PDE10A: variants seen among roughly 807,000 people sequenced by gnomAD.
PDE10A encodes the protein phosphodiesterase 10A.
PDE10A carries 39 observed loss-of-function variants against 97.7 expected under a neutral mutation model. That is an observed-to-expected ratio of 0.40 (90% CI 0.31 to 0.52). The LOEUF (loss-of-function observed/expected upper bound fraction) is 0.52. Ranked by LOEUF, PDE10A falls within the 20% of genes least tolerant of loss-of-function variation. PDE10A has a pLI of 0.56. For missense variants in PDE10A, 731 were observed against 1,047.8 expected (o/e 0.70, Z 4.17); for synonymous variants, 371 against 376.8 (o/e 0.98, Z 0.18).
At chr6:165,339,794 A>G (rs1352992323) in intron 19 of PDE10A, among the ~76,000 whole-genome samples, 1 of 152,248 alleles carries the variant, frequency 6.6e-6, no homozygotes. Context: ...CCAGTCGACT[A>G]AAATGTGCTA....
At chr6:165,621,117 C>T (rs1376517835) in intron 1 of PDE10A, among the ~76,000 whole-genome samples, 1 of 151,512 alleles carries the variant, frequency 6.6e-6, no homozygotes, top group African/African-American at 2.4e-5. Flanking sequence ...ATGTATTGTC[C>T]TGAGTATTTG....
intron 1 of PDE10A, among the ~76,000 whole-genome samples, chr6:165,866,397 T>C (rs537557504): frequency 1.9e-4 from 21 of 113,216 alleles, no homozygotes; most frequent in African/African-American, 6.0e-4. Flanking sequence ...ACTGCACTTC[T>C]GGCTTTTCAG....
intron 1 of PDE10A, among the ~76,000 whole-genome samples, chr6:165,620,058 A>G (rs1788050523): frequency 6.6e-6 from 1 of 151,828 alleles, no homozygotes; most frequent in Admixed American, 6.6e-5. Context: ...AGAAGCTGAG[A>G]CCACATTTCT....
chr6:165,725,314 T>C lies in PDE10A; in HGVS notation c.-614-181746A>G, dbSNP rs550530810. ...TTGAGCTATCACAAGCCACTGCAGA[T>C]GGCAAAACAAAAAGAGCGCCCTGTA... On this transcript the variant is annotated intron_variant, in intron 1 of 19. Coordinates refer to the PDE10A transcript ENST00000366882. Among the ~76,000 whole-genome samples the C allele has an allele frequency of 2.0e-5, 3 of 152,354 alleles. No individual in the cohort carries two copies. In the East Asian group the frequency reaches 5.8e-4, roughly 29 times the overall value.
At chr6:165,555,719 C>A (rs542237095) in intron 1 of PDE10A, among the ~76,000 whole-genome samples, 103 of 152,162 alleles carry the variant, frequency 6.8e-4, no homozygotes, top group African/African-American at 2.2e-3. Flanking sequence ...GTCTAGCTAG[C>A]CATCATATTA....
At chr6:165,391,605 C>A (rs941369496) in intron 16 of PDE10A, among the ~76,000 whole-genome samples, 1 of 151,964 alleles carries the variant, frequency 6.6e-6, no homozygotes, top group African/African-American at 2.4e-5. Flanking sequence ...GTGGATCTTT[C>A]GCGGGGAGGT....
At chr6:165,767,499 C>G (rs1314802046) in intron 1 of PDE10A, among the ~76,000 whole-genome samples, 1 of 152,180 alleles carries the variant, frequency 6.6e-6, no homozygotes. Flanking sequence ...CTATAGTTTG[C>G]CTTCATATTC....
chr6:165,678,201 A>T (rs115636611), intron 1 of PDE10A, among the ~76,000 whole-genome samples: 11,350 of 116,006 alleles, frequency 0.098, 133 homozygotes, highest in Admixed American at 0.18. Flanking sequence ...GTGTATGTAT[A>T]TGTGTGTCTG....
rs1177862799 is a variant in PDE10A, at chr6:165,662,892, C to G, written c.-81G>C. 6.6e-6 allele frequency among the ~76,000 whole-genome samples: 1 copy of G among 151,118 alleles called. No individual in the cohort carries two copies. The highest frequency in any genetic ancestry group is 6.6e-5 in the Admixed American group (1 of 15,234). On this transcript the variant is annotated 5_prime_UTR_variant, in exon 1 of 22. Coordinates refer to ENST00000539869, the MANE Select transcript of PDE10A (RefSeq NM_001385079.1). Reference sequence around the variant, plus strand: ...CGGGGCTCGGTGGGCTCCGCCCCCGCAGGACCTGCCCACCCCTGCCGGCCG... The same window carrying G: ...CGGGGCTCGGTGGGCTCCGCCCCCGGAGGACCTGCCCACCCCTGCCGGCCG...
intron 1 of PDE10A, among the ~76,000 whole-genome samples, chr6:165,688,247 A>T (rs1176346402): frequency 6.6e-6 from 1 of 152,146 alleles, no homozygotes; most frequent in East Asian, 1.9e-4. Context: ...TCAAGAGATG[A>T]TTGATTGGTT....
At chr6:165,339,662 A>C (rs2128178089) in intron 19 of PDE10A, among the ~76,000 whole-genome samples, 1 of 152,344 alleles carries the variant, frequency 6.6e-6, no homozygotes. Flanking sequence ...GAGGAGAAAT[A>C]ACAATAACAA....
At chr6:165,633,104 G>GA (rs931557603) in intron 1 of PDE10A, among the ~76,000 whole-genome samples, 2 of 150,468 alleles carry the variant, frequency 1.3e-5, no homozygotes, top group Non-Finnish European at 3.0e-5. Flanking sequence ...AAAGAAAAAA[G>GA]AAAAAAAAGA....
chr6:165,899,112 G>T (rs1782034719), intron 1 of PDE10A, among the ~76,000 whole-genome samples: 1 of 152,224 alleles, frequency 6.6e-6, no homozygotes, highest in Non-Finnish European at 1.5e-5. Flanking sequence ...CCAGAAGAGT[G>T]TCTGGCATAA....
At chr6:165,693,214 T>C (rs1460638891) in intron 1 of PDE10A, among the ~76,000 whole-genome samples, 3 of 152,136 alleles carry the variant, frequency 2.0e-5, no homozygotes, top group Non-Finnish European at 4.4e-5. Context: ...GGATGTGAAA[T>C]CATTAGTTGA....
intron 18 of PDE10A, among the ~76,000 whole-genome samples, chr6:165,356,859 A>C (rs563523708): frequency 5.3e-5 from 8 of 152,296 alleles, no homozygotes; most frequent in African/African-American, 1.9e-4. Context: ...TGTAATTTAA[A>C]AATAAAGTCA....
rs1788476866 is a variant in PDE10A, at chr6:165,418,541, T to G, written c.1796+94A>C. ...AATGATATCACAGTATGACAAGTATTGTCAGCATACCTGTGAATAGGCACA... is the reference window on the plus strand; with the variant it reads ...AATGATATCACAGTATGACAAGTATGGTCAGCATACCTGTGAATAGGCACA... On this transcript the variant is annotated intron_variant, in intron 11 of 21. Coordinates refer to ENST00000539869, the MANE Select transcript of PDE10A (RefSeq NM_001385079.1). This position sits in a 1 kb window ranked among gnomAD's most constrained non-coding sequence, Gnocchi z 4.8. 1.8e-6 allele frequency: 2 copies of G among 1,134,530 alleles called. No homozygotes were observed. The highest frequency in any genetic ancestry group is 2.7e-5 in the South Asian group (2 of 74,156). 70.3% of individuals were successfully genotyped at this position (1,134,530 alleles called of 1,614,324 possible).
intron 1 of PDE10A, among the ~76,000 whole-genome samples, chr6:165,626,179 T>C (rs1382912313): frequency 1.3e-5 from 2 of 152,180 alleles, no homozygotes; most frequent in Non-Finnish European, 2.9e-5. Flanking sequence ...AAATTCTTAG[T>C]TCTCTCCCTC....
chr6:165,548,511 G>A (rs1432796852), intron 1 of PDE10A, among the ~76,000 whole-genome samples: 2 of 151,872 alleles, frequency 1.3e-5, no homozygotes, highest in African/African-American at 4.8e-5. Flanking sequence ...TTATCCCTGT[G>A]GGGTTTAGCA....
chr6:165,761,534 C>T (rs1234336303), intron 1 of PDE10A, among the ~76,000 whole-genome samples: 1 of 152,108 alleles, frequency 6.6e-6, no homozygotes, highest in African/African-American at 2.4e-5. Context: ...GATACAGAAG[C>T]CTGGCTTTTT....
Sources: gnomAD v4.1 joint callset for allele counts (sites outside exome capture counted in the v4.1 genomes callset) on GRCh38, gnomAD v4.1.1 for gene constraint, Gnocchi (gnomAD v3.1) non-coding constraint, MANE v1.5 for transcripts, NCBI Gene and HGNC (gene_info 2026-07-23, HGNC 2026-07-21) for gene names.